Variants in SELENOW observed in about 807,000 individuals in gnomAD.
SELENOW encodes the protein selenoprotein W.
Under a neutral mutation model 16.6 loss-of-function variants are expected in SELENOW, and 20 were observed. That is an observed-to-expected ratio of 1.21 (90% CI 0.85 to 1.76). The LOEUF is 1.76. SELENOW is among the 40% of genes most tolerant of loss of function. The pLI is 0.00. For synonymous variants in SELENOW, 44 were observed against 46.2 expected, an observed-to-expected ratio of 0.95 and a Z score of 0.19; for missense variants, 124 against 111.0, an observed-to-expected ratio of 1.12 and a Z score of -0.53.
Position 47,781,275 on chromosome 19 carries a change from TCCTC to T in SELENOW, c.184-12_184-9del. 6.2e-7 allele frequency: 1 copy of T among 1,611,660 alleles called. No homozygotes were observed. The highest frequency in any genetic ancestry group is 1.3e-5 in the African/African-American group (1 of 74,964). Reference sequence around the variant, plus strand: ...CGGTCCCAGCTCACCCCTTCCCTCTTCCTCCCCTCCCTAGAAAGGCGATGGCTAC... The same window carrying T: ...CGGTCCCAGCTCACCCCTTCCCTCTTCCCTCCCTAGAAAGGCGATGGCTAC... On this transcript the variant is annotated splice_polypyrimidine_tract_variant and intron_variant, in intron 4 of 5. Coordinates refer to ENST00000601048, the MANE Select transcript of SELENOW (RefSeq NM_003009.4).
chr19:47,781,431 C>G (rs1452201672), intron 5 of SELENOW, 43 bp downstream of exon 5: 2 of 1,081,866 alleles, frequency 1.8e-6, no homozygotes, highest in African/African-American at 3.1e-5. Flanking sequence ...TTTGGATCTT[C>G]TCCCTGCCCC....
chr19:47,779,883 G>C (rs1967452471), intron 1 of SELENOW: 1 of 223,358 alleles, frequency 4.5e-6, no homozygotes, highest in South Asian at 5.4e-5. Context: ...TGGGACTGGG[G>C]TGGGGGCAGG....
chr19:47,781,088 C>G lies in SELENOW; in HGVS notation c.109-20C>G, dbSNP rs1000979112. 2 of 1,610,642 alleles carry G rather than the reference C, an allele frequency of 1.2e-6. No homozygotes were observed. The highest frequency in any genetic ancestry group is 1.1e-5 in the South Asian group (1 of 91,014). ...GGACATCTTAGCCCCTCCAACATCT[C>G]CCCTACCCCCTTTCCTCAGTGCGGC... On this transcript the variant is annotated intron_variant, in intron 3 of 5. Transcript: ENST00000601048.
At chr19:47,778,906 T>C in intron 1 of SELENOW, 92 bp downstream of exon 1, 1 of 1,325,334 alleles carries the variant, frequency 7.5e-7, no homozygotes, top group Non-Finnish European at 1.0e-6. Context: ...AGAGGACCCA[T>C]GGGAGCCCTT....
At chr19:47,783,142 G>A (rs577980479) in intron 5 of SELENOW, 1 of 152,062 alleles carries the variant, frequency 6.6e-6, no homozygotes, top group African/African-American at 2.4e-5. Context: ...GGGTTCAAGG[G>A]ATTCTTGTGT....
At position 47,780,527 on chromosome 19, in the gene SELENOW, A is replaced by C. The variant is rs763155898; in HGVS notation, c.30-198A>C. 1.2e-5 allele frequency: 7 copies of C among 605,392 alleles called. No homozygotes were observed. The Middle Eastern group carries it at 1.3e-3, about 114-fold the overall frequency. 37.5% of individuals were successfully genotyped at this position (605,392 alleles called of 1,614,324 possible). A position where few individuals can be genotyped will look rare whatever the true frequency, so the allele number is the denominator to read the frequency against. ...GCGCCACCCCCTGTGCTGTGTCCCA[A>C]AACTCTGCCTGGCTGGTGCCTGTCT... On this transcript the variant is annotated intron_variant, in intron 1 of 5. Transcript: ENST00000601048.
chr19:47,780,875 C>G lies in SELENOW; in HGVS notation c.66C>G (p.Leu22=), dbSNP rs1170307001. ...AUGYKSKYLQ[L]KKKLEDEFPG... is the part of the protein sequence containing the mutation. The stretch of plus-strand genomic sequence containing the variant: ...CACCGCGTTTTCAGTATCTTCAGCT[C>G]AAGAAGAAGTTAGAAGATGAGTTCC... Residue 22 remains leucine, a synonymous_variant, in exon 3 of 6, where the codon CTC becomes CTG. Coordinates refer to ENST00000601048, the MANE Select transcript of SELENOW (RefSeq NM_003009.4). 1.8e-5 allele frequency: 29 copies of G among 1,612,942 alleles called. No homozygotes were observed. Among genetic ancestry groups the G allele is most frequent in the Non-Finnish European group, 2.4e-5 (28 of 1,179,664 alleles).
chr19:47,783,073 C>A (rs1482913584), intron 5 of SELENOW: 1 of 152,298 alleles, frequency 6.6e-6, no homozygotes, highest in East Asian at 1.9e-4. Flanking sequence ...GAGTCTCGCT[C>A]TGTCGCCCAG....
intron 5 of SELENOW, chr19:47,784,001 A>T (rs1196332809): frequency 6.6e-6 from 1 of 151,958 alleles, no homozygotes; most frequent in Non-Finnish European, 1.5e-5. Context: ...GGCTCAAGCG[A>T]TTCTCCTGCC....
chr19:47,779,637 C>T (rs1967449416), intron 1 of SELENOW: 1 of 150,620 alleles, frequency 6.6e-6, no homozygotes. Flanking sequence ...ACCCCCCCCT[C>T]GTCTCTACAG....
intron 5 of SELENOW, among the ~76,000 whole-genome samples, chr19:47,781,922 A>G (rs535425898): frequency 4.1e-4 from 62 of 151,478 alleles, no homozygotes; most frequent in Non-Finnish European, 4.4e-5. Context: ...GACAGCTGAG[A>G]TAGGGTCAGA....
Position 47,781,182 on chromosome 19 carries a change from G to C in SELENOW, c.183G>C (p.Lys61Asn), listed in dbSNP as rs1211982368. ...MVAGKLIHSK[K>N]KGDGYVDTES... ...CCGGGAAGTTGATTCACTCTAAGAAGGTATGTCTGTCTGTCCGTCCTGCCT... is the reference window on the plus strand; with the variant it reads ...CCGGGAAGTTGATTCACTCTAAGAACGTATGTCTGTCTGTCCGTCCTGCCT... The change falls in exon 4 of 6, where the codon AAG becomes AAC. Residue 61 changes from lysine (K) to asparagine (N), a missense_variant and splice_region_variant. Coordinates refer to ENST00000601048, the MANE Select transcript of SELENOW (RefSeq NM_003009.4). The C allele has an allele frequency of 1.2e-6, 2 of 1,613,586 alleles. No individual in the cohort carries two copies. The highest frequency in any genetic ancestry group is 1.7e-6 in the Non-Finnish European group (2 of 1,179,704).
chr19:47,779,809 A>C (rs755422091), intron 1 of SELENOW: 3 of 129,808 alleles, frequency 2.3e-5, no homozygotes, highest in Non-Finnish European at 5.6e-5. Flanking sequence ...ACTCTGTCTC[A>C]AAAAAAAAAA....
chr19:47,780,857 T>C lies in SELENOW; in HGVS notation c.55-7T>C. 1 of 1,612,500 alleles carries C rather than the reference T, an allele frequency of 6.2e-7. No individual in the cohort carries two copies. On this transcript the variant is annotated splice_region_variant and splice_polypyrimidine_tract_variant and intron_variant, in intron 2 of 5. Transcript: ENST00000601048. ...ACCCCTGCTGTGACCTCTCACCGCG[T>C]TTTCAGTATCTTCAGCTCAAGAAGA...
Position 47,780,928 on chromosome 19 carries a change from GGA to G in SELENOW, c.108+12_108+13del. 1 of 1,613,234 alleles carries G rather than the reference GGA, an allele frequency of 6.2e-7. No homozygotes were observed. Among genetic ancestry groups the G allele is most frequent in the Non-Finnish European group, 8.5e-7 (1 of 1,179,548 alleles). On this transcript the variant is annotated intron_variant, in intron 3 of 5. Transcript: ENST00000601048. ...GGCCGCCTGGACATCGTGAGTCTTGGGATGGGGAGAAAGACTTGAGCACAGCC... is the reference window on the plus strand; with the variant it reads ...GGCCGCCTGGACATCGTGAGTCTTGGTGGGGAGAAAGACTTGAGCACAGCC...
chr19:47,778,794 C>T lies in SELENOW; in HGVS notation c.9C>T (p.Leu3=), dbSNP rs1410918395. The T allele has an allele frequency of 6.2e-7, 1 of 1,605,838 alleles. No individual in the cohort carries two copies. Among genetic ancestry groups the T allele is most frequent in the Non-Finnish European group, 8.5e-7 (1 of 1,176,960 alleles). Residue 3 remains leucine (L), a synonymous_variant, in exon 1 of 6, where the codon CTC becomes CTT. Transcript: ENST00000601048. Reference sequence around the variant, plus strand: ...TGTGGCAGCCCCGAGCCATGGCTCTCGCCGTCCGAGTCGTTTATTGGTAAG... The same window carrying T: ...TGTGGCAGCCCCGAGCCATGGCTCTTGCCGTCCGAGTCGTTTATTGGTAAG... The part of the protein sequence containing the change: MA[L]AVRVVYCGAU...
chr19:47,778,765 C>A lies in SELENOW; in HGVS notation c.-21C>A, dbSNP rs1386342870. The A allele has an allele frequency of 1.2e-6, 2 of 1,601,578 alleles. No individual in the cohort carries two copies. The highest frequency in any genetic ancestry group is 1.7e-6 in the Non-Finnish European group (2 of 1,175,042). ...TGTGGCCCGGGCGTCCGCTCCTCAG[C>A]GGATGTGGCAGCCCCGAGCCATGGC... is the stretch of plus-strand genomic sequence containing the variant. On this transcript the variant is annotated 5_prime_UTR_variant, in exon 1 of 6. Coordinates refer to ENST00000601048, the MANE Select transcript of SELENOW (RefSeq NM_003009.4).
intron 1 of SELENOW, chr19:47,780,424 T>G (rs182586526): frequency 6.0e-5 from 30 of 500,138 alleles, no homozygotes; most frequent in African/African-American, 5.8e-4. Context: ...TCTCCTTGTC[T>G]CCTCTCTCCC....
rs752677172 is a variant in SELENOW, at chr19:47,780,881, G to A, written c.72G>A (p.Lys24=). The change falls in exon 3 of 6, where the codon AAG becomes AAA. Residue 24 remains lysine (K), a synonymous_variant. Transcript: ENST00000601048. ...GYKSKYLQLK[K]KLEDEFPGRL... ...GTTTTCAGTATCTTCAGCTCAAGAA[G>A]AAGTTAGAAGATGAGTTCCCCGGCC... 5 of 1,613,234 alleles carry A rather than the reference G, an allele frequency of 3.1e-6. No individual in the cohort carries two copies. The highest frequency in any genetic ancestry group is 4.5e-5 in the East Asian group (2 of 44,816).
Sources: allele counts gnomAD v4.1 joint callset (sites outside exome capture counted in the v4.1 genomes callset), GRCh38; gene constraint gnomAD v4.1.1; transcripts MANE v1.5; gene names NCBI Gene and HGNC (gene_info 2026-07-23, HGNC 2026-07-21).